TTC12: variants seen among roughly 807,000 people sequenced by gnomAD.
The protein encoded by TTC12 is tetratricopeptide repeat protein 12.
In TTC12, 70 loss-of-function variants were observed where a neutral mutation model predicts 90.1. The observed-to-expected ratio is 0.78, with a 90% confidence interval of 0.64 to 0.95. The LOEUF (loss-of-function observed/expected upper bound fraction) is 0.95. Ranked by LOEUF, TTC12 falls within the 40% of genes least tolerant of loss-of-function variation. The probability of loss-of-function intolerance (pLI) is 0.00; values close to 1 mark genes in which losing one functional copy is unlikely to be tolerated. For missense variants in TTC12, 819 were observed against 846.1 expected (o/e 0.97, Z 0.40); for synonymous variants, 296 against 311.5 (o/e 0.95, Z 0.53).
chr11:113,354,193 T>TGTA (rs1555151596), intron 16 of TTC12, among the ~76,000 whole-genome samples: 27 of 151,228 alleles, frequency 1.8e-4, no homozygotes, highest in African/African-American at 6.3e-4. Context: ...CCTGGTTAGC[T>TGTA]CTATTCCTAA....
chr11:113,358,901 A>G (rs1042542144), intron 16 of TTC12, among the ~76,000 whole-genome samples: 6 of 152,040 alleles, frequency 3.9e-5, no homozygotes, highest in Non-Finnish European at 7.4e-5. Context: ...TGCATGCAGC[A>G]TTCCCAGTTA....
chr11:113,324,053 A>G, intron 4 of TTC12, 38 bp downstream of exon 4: 2 of 1,558,288 alleles, frequency 1.3e-6, no homozygotes, highest in Non-Finnish European at 1.8e-6. Flanking sequence ...TTCATTCTTT[A>G]TATAGGACCA....
chr11:113,339,801 C>G (rs1418980244), intron 10 of TTC12, among the ~76,000 whole-genome samples: 1 of 152,144 alleles, frequency 6.6e-6, no homozygotes, highest in Non-Finnish European at 1.5e-5. Flanking sequence ...GTATTACACA[C>G]ACACCACATA....
intron 16 of TTC12, among the ~76,000 whole-genome samples, chr11:113,355,583 G>A (rs1444669689): frequency 6.6e-6 from 1 of 152,004 alleles, no homozygotes. Context: ...TTTTTAGTTA[G>A]AAATATCTGT....
chr11:113,362,419 A>C lies in TTC12; in HGVS notation c.1633A>C (p.Ser545Arg), dbSNP rs137864983. 107 of 1,613,880 alleles carry C rather than the reference A, an allele frequency of 6.6e-5. No individual in the cohort carries two copies. In the African/African-American group the frequency reaches 1.3e-3, roughly 19 times the overall value. ...TACTCAGAGAGCTGCTGGTGTTCTG[A>C]GCCGGACCCTTTCTTCCTCTCTGAA... is the stretch of plus-strand genomic sequence containing the variant. ...GILTRAAGVLSRTLSSSLKIV... is the reference protein window; with the variant it reads ...GILTRAAGVLRRTLSSSLKIV... Residue 545 changes from serine (S) to arginine (R), a missense_variant, in exon 19 of 22, where the codon AGC becomes CGC. By Grantham distance (110) the Ser-to-Arg change is moderately radical. Coordinates refer to ENST00000529221, the MANE Select transcript of TTC12 (RefSeq NM_017868.4).
chr11:113,334,849 T>C, intron 7 of TTC12, 117 bp from the exon 8 acceptor site: 1 of 760,472 alleles, frequency 1.3e-6, no homozygotes, highest in Non-Finnish European at 2.1e-6. Context: ...TTGTCAACTC[T>C]GGTAGTTGCC....
chr11:113,351,840 C>T (rs1555150355), intron 15 of TTC12, among the ~76,000 whole-genome samples: 1 of 152,214 alleles, frequency 6.6e-6, no homozygotes, highest in Non-Finnish European at 1.5e-5. Flanking sequence ...CCAGGTCCCT[C>T]CAGCTGGTTG....
At chr11:113,368,705 A>G (rs1157035539), downstream of TTC12, 3 of 596,724 alleles carry the variant, frequency 5.0e-6, no homozygotes, top group East Asian at 5.5e-5. Context: ...AGATGCTGCA[A>G]CAGGTCACGG....
intron 10 of TTC12, 183 bp downstream of exon 10, chr11:113,339,657 T>A: frequency 1.8e-6 from 1 of 564,174 alleles, no homozygotes; most frequent in African/African-American, 1.9e-5. Flanking sequence ...CTCCATCCTC[T>A]CTACAGAGCA....
At chr11:113,354,037 A>G (rs1565617702) in intron 16 of TTC12, among the ~76,000 whole-genome samples, 1 of 152,142 alleles carries the variant, frequency 6.6e-6, no homozygotes, top group African/African-American at 2.4e-5. Flanking sequence ...CATTGAATCT[A>G]TATATTACTT....
intron 12 of TTC12, among the ~76,000 whole-genome samples, chr11:113,343,031 G>A (rs1317345311): frequency 1.3e-5 from 2 of 152,108 alleles, no homozygotes; most frequent in African/African-American, 2.4e-5. Flanking sequence ...TACCTGTGAT[G>A]TAAATGCTGT....
At chr11:113,324,826 A>G (rs1947584965) in intron 5 of TTC12, 144 bp downstream of exon 5, 1 of 668,288 alleles carries the variant, frequency 1.5e-6, no homozygotes, top group Non-Finnish European at 2.6e-6. Context: ...ACCTGGCCAG[A>G]AGGAAATCAT....
chr11:113,335,148 T>C (rs1354737883), intron 8 of TTC12, 111 bp downstream of exon 8: 2 of 820,138 alleles, frequency 2.4e-6, no homozygotes, highest in East Asian at 2.7e-5. Context: ...ATCCATCCTT[T>C]AGTATTTTCC....
At chr11:113,345,724 C>T (rs1207727567) in intron 13 of TTC12, among the ~76,000 whole-genome samples, 2 of 152,194 alleles carry the variant, frequency 1.3e-5, no homozygotes, top group Non-Finnish European at 2.9e-5. Flanking sequence ...AAGCACATTT[C>T]ACATTTCAAA....
intron 13 of TTC12, among the ~76,000 whole-genome samples, chr11:113,348,081 C>T (rs1265569703): frequency 6.6e-6 from 1 of 152,176 alleles, no homozygotes. Context: ...CCATGGCTTT[C>T]GTCAAGAGGC....
intron 1 of TTC12, among the ~76,000 whole-genome samples, chr11:113,315,373 G>A (rs3758915): frequency 1.3e-5 from 2 of 152,264 alleles, no homozygotes; most frequent in East Asian, 3.9e-4. Flanking sequence ...GTGGAGATGA[G>A]GACACTGAGA....
At chr11:113,371,735 A>T (rs1022739396) in intron 21 of TTC12, among the ~76,000 whole-genome samples, 1 of 152,166 alleles carries the variant, frequency 6.6e-6, no homozygotes, top group Non-Finnish European at 1.5e-5. Flanking sequence ...GTCCTCCTCC[A>T]CCTTGCTTTA....
chr11:113,338,652 C>A, intron 8 of TTC12, 122 bp from the exon 9 acceptor site: 1 of 685,670 alleles, frequency 1.5e-6, no homozygotes. Flanking sequence ...CTGTCTCCTG[C>A]ACTGGGAGCA....
downstream of TTC12, among the ~76,000 whole-genome samples, chr11:113,371,269 A>C (rs1462086596): frequency 1.3e-5 from 2 of 152,218 alleles, no homozygotes; most frequent in South Asian, 4.1e-4. Context: ...TATAACCTAC[A>C]TACATTCTCA....
Sources: gnomAD v4.1 joint callset for allele counts (sites outside exome capture counted in the v4.1 genomes callset) on GRCh38, gnomAD v4.1.1 for gene constraint, MANE v1.5 for transcripts, NCBI Gene and HGNC (gene_info 2026-07-23, HGNC 2026-07-21) for gene names.